TRPM3: variants seen among roughly 807,000 people sequenced by gnomAD.
The protein encoded by TRPM3 is transient receptor potential cation channel subfamily M member 3.
TRPM3 carries 77 observed loss-of-function variants against 181.2 expected under a neutral mutation model. The observed-to-expected ratio is 0.42, with a 90% CI of 0.35 to 0.51. The LOEUF (loss-of-function observed/expected upper bound fraction) is 0.51, where lower values mean the gene tolerates loss of function less well. Ranked by LOEUF, TRPM3 falls within the 20% of genes least tolerant of loss-of-function variation. The pLI, the probability that TRPM3 is intolerant of heterozygous loss-of-function variation, is 0.01. For synonymous variants in TRPM3, 745 were observed against 796.4 expected, an observed-to-expected ratio of 0.94 and a Z score of 1.09; for missense variants, 1,759 against 2,196.7, an observed-to-expected ratio of 0.80 and a Z score of 3.98.
chr9:71,174,066 G>A (rs922394554), intron 1 of TRPM3, among the ~76,000 whole-genome samples: 1 of 152,098 alleles, frequency 6.6e-6, no homozygotes, highest in Non-Finnish European at 1.5e-5. Flanking sequence ...CCAAGCCAAA[G>A]GCATATGTCT....
upstream of TRPM3, chr9:71,446,944 C>A (rs2094211625): frequency 3.4e-6 from 4 of 1,165,748 alleles, no homozygotes; most frequent in Non-Finnish European, 4.6e-6. Context: ...TTGGCGCTGC[C>A]TTTGCCTCCG....
intron 22 of TRPM3, among the ~76,000 whole-genome samples, chr9:70,578,631 T>C (rs923963111): frequency 2.0e-5 from 3 of 152,246 alleles, no homozygotes; most frequent in East Asian, 1.9e-4. Flanking sequence ...CGTGAAACCC[T>C]GTAAGGGATG....
intron 8 of TRPM3, among the ~76,000 whole-genome samples, chr9:70,739,263 C>G (rs1439197791): frequency 6.6e-6 from 1 of 152,032 alleles, no homozygotes; most frequent in East Asian, 1.9e-4. Flanking sequence ...AACAGCATAT[C>G]AAAAAGATAA....
At chr9:71,082,458 C>T (rs71505921) in intron 1 of TRPM3, among the ~76,000 whole-genome samples, 1 of 152,096 alleles carries the variant, frequency 6.6e-6, no homozygotes, top group Non-Finnish European at 1.5e-5. Context: ...GAGGATCCCC[C>T]TAAGGTAAGT....
Position 70,581,778 on chromosome 9 carries a change from G to A in TRPM3, c.3223+9253C>T, listed in dbSNP as rs184519718. ...CATGGTGAGGCTCAGAGCTGGTGGG[G>A]CTGTCTGCATGGGCCTCAACTGGTC... On this transcript the variant is annotated intron_variant, in intron 22 of 25. Coordinates refer to ENST00000677713, the MANE Select transcript of TRPM3 (RefSeq NM_001366145.2). Among the ~76,000 whole-genome samples, 44 of 152,252 alleles carry A rather than the reference G, an allele frequency of 2.9e-4. No homozygotes were observed. In the East Asian group the frequency reaches 7.6e-3, roughly 26 times the overall value.
At chr9:71,238,481 T>C (rs775980896) in intron 1 of TRPM3, among the ~76,000 whole-genome samples, 5 of 152,164 alleles carry the variant, frequency 3.3e-5, no homozygotes, top group Non-Finnish European at 5.9e-5. Context: ...CTCTTCCTTA[T>C]CTCTCAGGTT....
intron 19 of TRPM3, among the ~76,000 whole-genome samples, chr9:70,608,437 G>A (rs1190855863): frequency 6.6e-6 from 1 of 152,196 alleles, no homozygotes; most frequent in East Asian, 1.9e-4. Context: ...GCCATGGGTT[G>A]AATTTGGCTC....
At chr9:71,241,374 T>C (rs2081659463) in intron 1 of TRPM3, among the ~76,000 whole-genome samples, 2 of 152,020 alleles carry the variant, frequency 1.3e-5, no homozygotes, top group African/African-American at 4.8e-5. Context: ...TTAACCATCA[T>C]TCTCAGCAAA....
At chr9:71,055,659 G>C (rs1298239160) in intron 1 of TRPM3, among the ~76,000 whole-genome samples, 1 of 151,968 alleles carries the variant, frequency 6.6e-6, no homozygotes, top group African/African-American at 2.4e-5. Context: ...AAAGGAATTG[G>C]TGATGTAGAC....
intron 1 of TRPM3, among the ~76,000 whole-genome samples, chr9:71,321,971 G>A (rs1298558932): frequency 6.6e-6 from 1 of 152,090 alleles, no homozygotes; most frequent in Admixed American, 6.6e-5. Context: ...TAGGATAAAA[G>A]AGATTAAGAG....
chr9:71,441,991 C>G (rs1487703071), intron 1 of TRPM3, among the ~76,000 whole-genome samples: 1 of 152,142 alleles, frequency 6.6e-6, no homozygotes, highest in Non-Finnish European at 1.5e-5. Flanking sequence ...TGGAAATTAC[C>G]TAGTAGGCTC....
At chr9:71,336,976 G>A (rs930350856) in intron 1 of TRPM3, among the ~76,000 whole-genome samples, 10 of 152,108 alleles carry the variant, frequency 6.6e-5, no homozygotes, top group African/African-American at 1.9e-4. Flanking sequence ...AGACTTCAAC[G>A]TAAGATCTAA....
rs565721937 is a variant in TRPM3 at position 70,594,066 on chromosome 9, C to T, written c.3049-2861G>A. Among the ~76,000 whole-genome samples, 95 of 148,516 alleles carry T rather than the reference C, an allele frequency of 6.4e-4. 2 individuals carry two copies. In the South Asian group the frequency reaches 0.018, roughly 29 times the overall value. ...GTAAAAATAGCTACATGGAAAAAAA[C>T]TCACACAAAACGAGTAAAAATAATT... On this transcript the variant is annotated intron_variant, in intron 21 of 25. Coordinates refer to ENST00000677713, the MANE Select transcript of TRPM3 (RefSeq NM_001366145.2).
Position 70,681,527 on chromosome 9 carries a change from T to G in TRPM3, c.1324A>C (p.Ile442Leu). The stretch of plus-strand genomic sequence containing the variant: ...TTACCTTTGAGTAAAGCTGTCAGGA[T>G]AGCCAAATCAATGTCCTGGTGTCCT... The part of the protein sequence containing the change: ...SEGHQDIDLA[I>L]LTALLKGANA... The change falls in exon 9 of 26, where the codon ATC (isoleucine) becomes CTC (leucine). Residue 442 changes from isoleucine (I) to leucine (L), a missense_variant. This residue lies in a region of TRPM3 where 737 missense variants were observed against 957.4 expected (regional missense o/e 0.77). Coordinates refer to ENST00000677713, the MANE Select transcript of TRPM3 (RefSeq NM_001366145.2). The G allele has an allele frequency of 6.2e-7, 1 of 1,613,872 alleles. No individual in the cohort carries two copies. The highest frequency in any genetic ancestry group is 1.3e-5 in the African/African-American group (1 of 75,034).
chr9:70,805,200 G>C (rs2090359613), intron 6 of TRPM3, among the ~76,000 whole-genome samples: 1 of 151,232 alleles, frequency 6.6e-6, no homozygotes, highest in African/African-American at 2.4e-5. Context: ...GGAAGGAGGA[G>C]GGTGGGGTGA....
chr9:70,667,541 T>C (rs2134011147), intron 9 of TRPM3, among the ~76,000 whole-genome samples: 1 of 152,338 alleles, frequency 6.6e-6, no homozygotes, highest in African/African-American at 2.4e-5. Context: ...CCAGAAAATC[T>C]GTTTTACTCT....
chr9:70,818,987 G>A (rs1564437367), intron 6 of TRPM3, among the ~76,000 whole-genome samples: 1 of 152,156 alleles, frequency 6.6e-6, no homozygotes, highest in African/African-American at 2.4e-5. Flanking sequence ...CCATTCACTA[G>A]TAACATTTCC....
chr9:71,038,245 T>C (rs891487068), intron 1 of TRPM3, among the ~76,000 whole-genome samples: 6 of 152,334 alleles, frequency 3.9e-5, no homozygotes, highest in South Asian at 2.1e-4. Context: ...AGGAGCATGA[T>C]AGAATTTGAA....
At chr9:70,960,341 G>A (rs141451712) in intron 1 of TRPM3, among the ~76,000 whole-genome samples, 1 of 152,122 alleles carries the variant, frequency 6.6e-6, no homozygotes, top group African/African-American at 2.4e-5. Flanking sequence ...CCTTCTGGCT[G>A]CCTCCAGGTG....
Sources: allele counts gnomAD v4.1 joint callset (sites outside exome capture counted in the v4.1 genomes callset), GRCh38; gene constraint gnomAD v4.1.1; regional missense constraint gnomAD v4.1.1; transcripts MANE v1.5; gene names NCBI Gene and HGNC (gene_info 2026-07-23, HGNC 2026-07-21).